The following NDUFAF2 variants were observed in gnomAD, a reference collection of about 807,000 sequenced individuals.
NDUFAF2 encodes NADH:ubiquinone oxidoreductase complex assembly factor 2, also known as NADH dehydrogenase [ubiquinone] 1 alpha subcomplex assembly factor 2.
Under a neutral mutation model 22.8 loss-of-function variants are expected in NDUFAF2, and 13 were observed. The ratio of observed to expected loss-of-function variants is 0.57; its 90% CI spans 0.37 to 0.91. The LOEUF (loss-of-function observed/expected upper bound fraction) is 0.91. NDUFAF2 is among the 40% of genes least tolerant of loss of function. NDUFAF2 has a pLI of 0.01. For missense variants in NDUFAF2, 162 were observed against 195.2 expected (o/e 0.83, Z 1.01); for synonymous variants, 53 against 64.2 (o/e 0.83, Z 0.84).
intron 1 of NDUFAF2, among the ~76,000 whole-genome samples, chr5:61,038,173 A>G (rs2112614022): frequency 6.6e-6 from 1 of 151,988 alleles, no homozygotes. Context: ...TAAATCTTCC[A>G]GTTCTGTGGG....
intron 1 of NDUFAF2, among the ~76,000 whole-genome samples, chr5:60,989,635 T>C (rs893641829): frequency 7.9e-5 from 12 of 152,104 alleles, no homozygotes; most frequent in African/African-American, 2.9e-4. Flanking sequence ...CTTAGCAAAC[T>C]AGCACAGGAA....
chr5:61,014,044 G>A (rs1751474496), intron 1 of NDUFAF2, among the ~76,000 whole-genome samples: 1 of 152,194 alleles, frequency 6.6e-6, no homozygotes, highest in Non-Finnish European at 1.5e-5. Flanking sequence ...AGTGTTTCTT[G>A]TATGCTCATG....
intron 3 of NDUFAF2, among the ~76,000 whole-genome samples, chr5:61,101,909 A>T (rs562375233): frequency 1.3e-4 from 20 of 152,266 alleles, no homozygotes; most frequent in African/African-American, 4.8e-4. Context: ...TCCCAAACTG[A>T]TCCACAGTAG....
intron 1 of NDUFAF2, among the ~76,000 whole-genome samples, chr5:60,958,186 A>G (rs1750641559): frequency 6.6e-6 from 1 of 152,186 alleles, no homozygotes; most frequent in African/African-American, 2.4e-5. Context: ...GTTATTGACT[A>G]CTGCTCTAAG....
intron 3 of NDUFAF2, among the ~76,000 whole-genome samples, chr5:61,126,851 C>G (rs1753041827): frequency 6.6e-6 from 1 of 151,954 alleles, no homozygotes; most frequent in Non-Finnish European, 1.5e-5. Flanking sequence ...AATCCAGGAG[C>G]TGGTTTTTTG....
chr5:60,949,362 C>A (rs1319213634), intron 1 of NDUFAF2, among the ~76,000 whole-genome samples: 1 of 152,178 alleles, frequency 6.6e-6, no homozygotes, highest in South Asian at 2.1e-4. Context: ...AGATTCATTA[C>A]GTATATCAGT....
intron 1 of NDUFAF2, among the ~76,000 whole-genome samples, chr5:61,055,047 A>G (rs1393340374): frequency 1.3e-5 from 2 of 152,214 alleles, no homozygotes. Flanking sequence ...TATGTAGTGT[A>G]AGATTTAAAT....
chr5:61,014,182 G>A (rs1302912536), intron 1 of NDUFAF2, among the ~76,000 whole-genome samples: 1 of 152,218 alleles, frequency 6.6e-6, no homozygotes, highest in Non-Finnish European at 1.5e-5. Flanking sequence ...GGGGAGAGGG[G>A]CTGGACGTTG....
At chr5:61,095,799 C>T (rs1354783219) in intron 2 of NDUFAF2, among the ~76,000 whole-genome samples, 1 of 152,166 alleles carries the variant, frequency 6.6e-6, no homozygotes, top group African/African-American at 2.4e-5. Flanking sequence ...GGGGGAGGTT[C>T]CCCTGGCTCC....
At chr5:60,979,306 C>T (rs1430983450) in intron 1 of NDUFAF2, among the ~76,000 whole-genome samples, 1 of 152,082 alleles carries the variant, frequency 6.6e-6, no homozygotes, top group Non-Finnish European at 1.5e-5. Context: ...TTTTGTTTTG[C>T]AGCTTGTGTA....
At chr5:61,097,784 T>C (rs1159381483) in intron 2 of NDUFAF2, among the ~76,000 whole-genome samples, 3 of 152,264 alleles carry the variant, frequency 2.0e-5, no homozygotes, top group African/African-American at 7.2e-5. Flanking sequence ...TCTTTGCATG[T>C]TGTTCATAAA....
In NDUFAF2 at chr5:61,028,012, A is replaced by G. The variant is rs930000916; in HGVS notation, c.128-45113A>G. Among the ~76,000 whole-genome samples, 4 of 152,158 alleles carry G rather than the reference A, an allele frequency of 2.6e-5. No individual in the cohort carries two copies. In the East Asian group the frequency reaches 7.7e-4, roughly 29 times the overall value. ...TCCACCTTCATGGAGTTTGCCTTTT[A>G]GTAAGAGACACAAGCAGTAAACAAA... On this transcript the variant is annotated intron_variant, in intron 1 of 3. Coordinates refer to ENST00000296597, the MANE Select transcript of NDUFAF2 (RefSeq NM_174889.5).
chr5:61,033,610 A>T (rs1191794141), intron 1 of NDUFAF2, among the ~76,000 whole-genome samples: 1 of 152,190 alleles, frequency 6.6e-6, no homozygotes, highest in East Asian at 1.9e-4. Context: ...ATATGTATAC[A>T]TACAAATTCA....
intron 2 of NDUFAF2, among the ~76,000 whole-genome samples, chr5:61,093,141 T>C (rs578156204): frequency 6.6e-6 from 1 of 152,334 alleles, no homozygotes; most frequent in South Asian, 2.1e-4. Flanking sequence ...TCAGCAAGTC[T>C]GCTCATTCCG....
At chr5:60,996,415 G>C (rs1356332570) in intron 1 of NDUFAF2, among the ~76,000 whole-genome samples, 2 of 152,054 alleles carry the variant, frequency 1.3e-5, no homozygotes, top group African/African-American at 2.4e-5. Flanking sequence ...TGATACCTTA[G>C]ATGTAAGACA....
At chr5:61,076,466 A>G (rs1441112493) in intron 2 of NDUFAF2, among the ~76,000 whole-genome samples, 2 of 152,248 alleles carry the variant, frequency 1.3e-5, no homozygotes, top group Admixed American at 1.3e-4. Flanking sequence ...TAACCAGCTG[A>G]AGAGCATTAC....
At chr5:60,985,620 A>G (rs1751062969) in intron 1 of NDUFAF2, among the ~76,000 whole-genome samples, 1 of 152,150 alleles carries the variant, frequency 6.6e-6, no homozygotes, top group African/African-American at 2.4e-5. Context: ...GTTTGAAAGA[A>G]CATTTTTATT....
At chr5:61,079,750 G>T (rs971846010) in intron 2 of NDUFAF2, among the ~76,000 whole-genome samples, 17 of 152,144 alleles carry the variant, frequency 1.1e-4, no homozygotes, top group African/African-American at 4.1e-4. Flanking sequence ...CAATCCTCTA[G>T]GGTTTGTTCT....
chr5:61,050,724 C>T (rs762198392), intron 1 of NDUFAF2, among the ~76,000 whole-genome samples: 2 of 152,042 alleles, frequency 1.3e-5, no homozygotes, highest in Non-Finnish European at 2.9e-5. Flanking sequence ...TGGAAAAGGG[C>T]TGACAGACAG....
Sources: allele counts gnomAD v4.1 joint callset (sites outside exome capture counted in the v4.1 genomes callset), GRCh38; gene constraint gnomAD v4.1.1; transcripts MANE v1.5; gene names NCBI Gene and HGNC (gene_info 2026-07-23, HGNC 2026-07-21).